Variants in AFF3 observed in about 807,000 individuals in gnomAD.
AFF3 encodes the protein ALF transcription elongation factor 3.
A neutral mutation model predicts 129.7 loss-of-function variants in AFF3; 32 were observed. The observed-to-expected ratio is 0.25, with a 90% CI of 0.19 to 0.33. The LOEUF (loss-of-function observed/expected upper bound fraction) is 0.33, where lower values mean the gene tolerates loss of function less well. AFF3 is among the 10% of genes least tolerant of loss of function. AFF3 has a pLI of 1.00. For missense variants in AFF3, 1,373 were observed against 1,592.0 expected (o/e 0.86, Z 2.34); for synonymous variants, 644 against 635.4 (o/e 1.01, Z -0.20).
chr2:100,051,925 G>GA (rs1317556889), intron 4 of AFF3, among the ~76,000 whole-genome samples: 1 of 152,188 alleles, frequency 6.6e-6, no homozygotes, highest in African/African-American at 2.4e-5. Context: ...CTAAGTAATG[G>GA]ACCCTTAAAT....
At chr2:99,890,814 C>T (rs1244475666) in intron 7 of AFF3, among the ~76,000 whole-genome samples, 1 of 152,144 alleles carries the variant, frequency 6.6e-6, no homozygotes, top group African/African-American at 2.4e-5. Flanking sequence ...GACACCACCA[C>T]CGGGACCTGC....
intron 13 of AFF3, among the ~76,000 whole-genome samples, chr2:99,648,262 C>T (rs779239127): frequency 4.6e-5 from 7 of 152,220 alleles, no homozygotes; most frequent in Non-Finnish European, 1.0e-4. Context: ...ACATCATCAT[C>T]TCCAAAAGAA....
At chr2:99,685,278 A>G (rs1674944657) in intron 11 of AFF3, among the ~76,000 whole-genome samples, 1 of 152,200 alleles carries the variant, frequency 6.6e-6, no homozygotes, top group Non-Finnish European at 1.5e-5. Flanking sequence ...TAGGCCAAGT[A>G]TATTGAGAGT....
chr2:100,040,797 G>A (rs1319229813), intron 4 of AFF3, among the ~76,000 whole-genome samples: 1 of 152,236 alleles, frequency 6.6e-6, no homozygotes, highest in Non-Finnish European at 1.5e-5. Flanking sequence ...AGACTGGCTG[G>A]AAAGTCATGC....
At chr2:99,625,789 GTC>G (rs1273923359) in intron 13 of AFF3, among the ~76,000 whole-genome samples, 3 of 152,180 alleles carry the variant, frequency 2.0e-5, no homozygotes, top group Non-Finnish European at 4.4e-5. Context: ...TATCATATGA[GTC>G]TATTTCAAAG....
intron 11 of AFF3, among the ~76,000 whole-genome samples, chr2:99,680,206 C>T (rs1674395294): frequency 6.6e-6 from 1 of 152,046 alleles, no homozygotes; most frequent in Admixed American, 6.5e-5. Flanking sequence ...GGAAAGAGGG[C>T]TGGATATACT....
chr2:99,738,913 C>A (rs1424896591), intron 10 of AFF3, among the ~76,000 whole-genome samples: 1 of 151,854 alleles, frequency 6.6e-6, no homozygotes, highest in African/African-American at 2.4e-5. Flanking sequence ...GACTCTTCTG[C>A]CATTACTCCA....
intron 14 of AFF3, among the ~76,000 whole-genome samples, chr2:99,601,031 A>G (rs925004317): frequency 6.6e-6 from 1 of 152,172 alleles, no homozygotes; most frequent in East Asian, 1.9e-4. Flanking sequence ...TGTCCAACCC[A>G]TAAAACCCCT....
At chr2:99,724,044 A>G (rs1313804643) in intron 11 of AFF3, among the ~76,000 whole-genome samples, 1 of 152,110 alleles carries the variant, frequency 6.6e-6, no homozygotes, top group African/African-American at 2.4e-5. Flanking sequence ...CCATGAGAAA[A>G]TAAATTTCTG....
intron 7 of AFF3, among the ~76,000 whole-genome samples, chr2:99,988,861 A>G (rs1486558060): frequency 6.6e-6 from 1 of 152,228 alleles, no homozygotes; most frequent in Non-Finnish European, 1.5e-5. Flanking sequence ...TCCTTACTAC[A>G]GAAAAATATT....
At chr2:100,103,113 A>C (rs1465042420) in intron 4 of AFF3, among the ~76,000 whole-genome samples, 1 of 152,222 alleles carries the variant, frequency 6.6e-6, no homozygotes, top group Non-Finnish European at 1.5e-5. Flanking sequence ...ATAATGTGCT[A>C]GCTTTGTGTC....
chr2:99,893,592 GC>G (rs998879494), intron 7 of AFF3, among the ~76,000 whole-genome samples: 57 of 152,294 alleles, frequency 3.7e-4, no homozygotes, highest in African/African-American at 1.3e-3. Flanking sequence ...ACTGAACCCT[GC>G]CCGGCCCTGA....
rs1682380035 is a variant in AFF3 at position 100,010,127 on chromosome 2, A to G, written c.54-1195T>C. ...AGCAGGGGCGTTTCATGGCACTGTT[A>G]TAAGGCTTAAATGTGAAGGTAATCT... On this transcript the variant is annotated intron_variant, in intron 4 of 24. Coordinates refer to ENST00000672756, the MANE Select transcript of AFF3 (RefSeq NM_001386135.1). Among the ~76,000 whole-genome samples the G allele has an allele frequency of 2.0e-5, 3 of 152,358 alleles. No homozygotes were observed. The South Asian group carries it at 6.2e-4, about 32-fold the overall frequency.
intron 7 of AFF3, among the ~76,000 whole-genome samples, chr2:99,894,522 G>A (rs947274333): frequency 6.6e-6 from 1 of 151,232 alleles, no homozygotes; most frequent in Non-Finnish European, 1.5e-5. Flanking sequence ...AGGCTGGAGT[G>A]CAGTGGCGCG....
chr2:99,728,953 C>T (rs918800871), intron 10 of AFF3, among the ~76,000 whole-genome samples: 2 of 152,116 alleles, frequency 1.3e-5, no homozygotes, highest in African/African-American at 4.8e-5. Context: ...AACATTTTTT[C>T]CATGGACTAA....
intron 2 of AFF3, chr2:100,110,018 C>T (rs1458268769): frequency 1.3e-5 from 2 of 152,262 alleles, no homozygotes; most frequent in African/African-American, 4.8e-5. Context: ...TCTCCTGCCA[C>T]CCAGTTTTGC....
At chr2:99,722,731 C>G (rs529539957) in intron 11 of AFF3, among the ~76,000 whole-genome samples, 27 of 152,184 alleles carry the variant, frequency 1.8e-4, no homozygotes, top group Admixed American at 7.2e-4. Context: ...AGGGGTTATT[C>G]AAGGATTGAT....
chr2:99,899,199 G>A (rs773378099), intron 7 of AFF3, among the ~76,000 whole-genome samples: 8 of 152,108 alleles, frequency 5.3e-5, no homozygotes, highest in African/African-American at 9.7e-5. Flanking sequence ...CTACTTTCAC[G>A]CCACATTCAC....
intron 7 of AFF3, among the ~76,000 whole-genome samples, chr2:99,953,285 T>C (rs566376712): frequency 6.6e-6 from 1 of 152,318 alleles, no homozygotes; most frequent in East Asian, 1.9e-4. Context: ...CTCTAATGTC[T>C]TTAGACTTTC....
Sources: allele counts gnomAD v4.1 joint callset (sites outside exome capture counted in the v4.1 genomes callset), GRCh38; gene constraint gnomAD v4.1.1; transcripts MANE v1.5; gene names NCBI Gene and HGNC (gene_info 2026-07-23, HGNC 2026-07-21).